Variants in SPTAN1 observed in about 807,000 individuals in gnomAD.
The protein encoded by SPTAN1 is spectrin alpha, non-erythrocytic 1.
A neutral mutation model predicts 331.3 loss-of-function variants in SPTAN1; 61 were observed. The observed-to-expected ratio is 0.18, with a 90% confidence interval of 0.15 to 0.23. The LOEUF is 0.23. SPTAN1 is among the 10% of genes least tolerant of loss of function. SPTAN1 has a pLI of 1.00. For synonymous variants in SPTAN1, 1,153 were observed against 1,173.9 expected (o/e 0.98, Z 0.36); for missense variants, 2,043 against 3,147.9 (o/e 0.65, Z 8.40).
chr9:128,577,593 T>C lies in SPTAN1; in HGVS notation c.1085+87T>C. 6.3e-7 allele frequency: 1 copy of C among 1,577,990 alleles called. No individual in the cohort carries two copies. The highest frequency in any genetic ancestry group is 2.2e-5 in the East Asian group (1 of 44,752). On this transcript the variant is annotated intron_variant, in intron 8 of 56. Transcript: ENST00000372739. This position sits in a 1 kb window ranked among gnomAD's most constrained non-coding sequence, Gnocchi z 4.2. ...AGCAGAGTTAAGGGTCTGTTCTGTGTTCTGTGAAAGTGTCAGGTATCACCT... is the reference window on the plus strand; with the variant it reads ...AGCAGAGTTAAGGGTCTGTTCTGTGCTCTGTGAAAGTGTCAGGTATCACCT...
chr9:128,615,770 G>C lies in SPTAN1; in HGVS notation c.5287G>C (p.Ala1763Pro). Reference protein sequence around the residue: ...KIKSMAASRRAKLNESHRLHQ... With the variant: ...KIKSMAASRRPKLNESHRLHQ... ...CAAGAGCATGGCGGCCTCCCGGCGAGCCAAGCTGAATGAATCCCATCGCCT... is the reference window on the plus strand; with the variant it reads ...CAAGAGCATGGCGGCCTCCCGGCGACCCAAGCTGAATGAATCCCATCGCCT... The change falls in exon 41 of 57, where the codon GCC becomes CCC. Residue 1763 changes from alanine to proline, a missense_variant. Ala to Pro is a conservative substitution (Grantham distance 27). Around this residue, in one of 12 missense-constraint regions of SPTAN1, gnomAD observed 323 missense variants for 581.1 expected, o/e 0.56. Coordinates refer to ENST00000372739, the MANE Select transcript of SPTAN1 (RefSeq NM_001130438.3). The C allele has an allele frequency of 6.2e-7, 1 of 1,614,246 alleles. No individual in the cohort carries two copies. Among genetic ancestry groups the C allele is most frequent in the Non-Finnish European group, 8.5e-7 (1 of 1,180,046 alleles).
chr9:128,627,634 C>A lies in SPTAN1; in HGVS notation c.6689+136C>A. ...CCTGGGAATAAAGCTGGGCTGGCAA[C>A]GCCTGGTCGGGCTCTGGAGCCGGGA... On this transcript the variant is annotated intron_variant, in intron 50 of 56. Coordinates refer to ENST00000372739, the MANE Select transcript of SPTAN1 (RefSeq NM_001130438.3). This position sits in a 1 kb window ranked among gnomAD's most constrained non-coding sequence, Gnocchi z 4.9. 1 of 944,622 alleles carries A rather than the reference C, an allele frequency of 1.1e-6. No homozygotes were observed. The highest frequency in any genetic ancestry group is 1.7e-6 in the Non-Finnish European group (1 of 601,824). The allele number at this position is 944,622 out of a possible 1,614,324, so 58.5% of individuals were successfully genotyped here.
Position 128,585,947 on chromosome 9 carries a change from G to T in SPTAN1, c.2760G>T (p.Lys920Asn). 1 of 1,612,738 alleles carries T rather than the reference G, an allele frequency of 6.2e-7. No individual in the cohort carries two copies. Among genetic ancestry groups the T allele is most frequent in the South Asian group, 1.1e-5 (1 of 91,010 alleles). Residue 920 changes from lysine to asparagine, a missense_variant, in exon 19 of 57, where the codon AAG (lysine) becomes AAT (asparagine). Transcript: ENST00000372739. ...TTGTGGGCAGCACTGACTATGGCAA[G>T]GACGAAGACTCTGCTGAGGTAACCA... Reference protein sequence around the residue: ...EPIVGSTDYGKDEDSAEALLK... With the variant: ...EPIVGSTDYGNDEDSAEALLK...
rs1424750202 is a variant in SPTAN1 at position 128,629,857 on chromosome 9, C to G, written c.6708-464C>G. On this transcript the variant is annotated intron_variant, in intron 51 of 56. Transcript: ENST00000372739. The surrounding 1 kb of genome is among the most constrained non-coding windows in gnomAD (Gnocchi z 4.9). The stretch of plus-strand genomic sequence containing the variant: ...TCTCATTCCCCCTAGAATGGGGCTC[C>G]CTCCCTCAGGAACCTTGCCGGGACA... 1 of 322,586 alleles carries G rather than the reference C, an allele frequency of 3.1e-6. No homozygotes were observed. The highest frequency in any genetic ancestry group is 6.1e-6 in the Non-Finnish European group (1 of 163,286). The allele number at this position is 322,586 out of a possible 1,614,324, so 20.0% of individuals were successfully genotyped here.
At chr9:128,588,310 AT>A (rs386416287) in intron 20 of SPTAN1, among the ~76,000 whole-genome samples, 8 of 114,734 alleles carry the variant, frequency 7.0e-5, no homozygotes, top group African/African-American at 2.8e-4. Context: ...TTAAAATGAG[AT>A]TTTTTTTTTT....
At chr9:128,631,777 G>T in intron 52 of SPTAN1, 1 of 285,820 alleles carries the variant, frequency 3.5e-6, no homozygotes, top group Non-Finnish European at 6.7e-6. Flanking sequence ...GCGTGATTGC[G>T]CCACTGCACT....
intron 21 of SPTAN1, 126 bp downstream of exon 21, chr9:128,589,069 C>T: frequency 1.5e-6 from 2 of 1,351,268 alleles, no homozygotes. Context: ...CATGAGTTTC[C>T]TCACCAATCC....
At chr9:128,590,933 C>A (rs2131307265) in intron 21 of SPTAN1, among the ~76,000 whole-genome samples, 1 of 152,316 alleles carries the variant, frequency 6.6e-6, no homozygotes, top group East Asian at 1.9e-4. Flanking sequence ...TCTGGAGCAT[C>A]TAAGCAGAGA....
chr9:128,567,996 AGGT>A (rs1337711451), intron 2 of SPTAN1, among the ~76,000 whole-genome samples: 1 of 152,088 alleles, frequency 6.6e-6, no homozygotes, highest in East Asian at 1.9e-4. Context: ...TCCTGACCTC[AGGT>A]GATCTGCCTG....
chr9:128,593,104 C>T, intron 23 of SPTAN1, 62 bp downstream of exon 23: 1 of 1,530,940 alleles, frequency 6.5e-7, no homozygotes, highest in South Asian at 1.2e-5. Flanking sequence ...CATTCTCCCT[C>T]TGCCGCTTCT....
chr9:128,613,279 G>A, intron 39 of SPTAN1, 102 bp from the exon 40 acceptor site: 1 of 903,022 alleles, frequency 1.1e-6, no homozygotes, highest in Non-Finnish European at 1.8e-6. Flanking sequence ...GTATTCAACT[G>A]TCCAAGCAAG....
intron 27 of SPTAN1, among the ~76,000 whole-genome samples, chr9:128,602,793 G>T (rs1855348286): frequency 6.6e-6 from 1 of 151,818 alleles, no homozygotes. Flanking sequence ...ACACCACCGT[G>T]CCCAGCTAAT....
intron 11 of SPTAN1, 100 bp downstream of exon 11, chr9:128,581,159 TGTTA>T: frequency 6.7e-7 from 1 of 1,494,348 alleles, no homozygotes; most frequent in South Asian, 1.2e-5. Flanking sequence ...ATCAGTACCA[TGTTA>T]GTTCTGAATC....
chr9:128,581,233 A>T (rs966167459), intron 11 of SPTAN1, among the ~76,000 whole-genome samples, 174 bp downstream of exon 11: 3 of 152,214 alleles, frequency 2.0e-5, no homozygotes, highest in African/African-American at 7.2e-5. Context: ...CTCCCTGCTG[A>T]GATTGCAAGG....
chr9:128,564,066 GA>G lies in SPTAN1; in HGVS notation c.-3-2671del, dbSNP rs1189774989. 3.3e-5 allele frequency among the ~76,000 whole-genome samples: 5 copies of G among 152,172 alleles called. 1 individual carries two copies. In the East Asian group the frequency reaches 7.7e-4, roughly 24 times the overall value. ...AGGTGGGAGGATCATTTGAGCCCAG[GA>G]GTTCAAGACCAGCCTAGGCAACCTA... is the stretch of plus-strand genomic sequence containing the variant. On this transcript the variant is annotated intron_variant, in intron 1 of 56. Coordinates refer to ENST00000372739, the MANE Select transcript of SPTAN1 (RefSeq NM_001130438.3).
chr9:128,628,520 C>A, intron 51 of SPTAN1: 1 of 271,608 alleles, frequency 3.7e-6, no homozygotes, highest in South Asian at 3.8e-5. Context: ...ATAGACAGGA[C>A]GTGGGAGGAG....
At chr9:128,605,217 G>T (rs1394024137) in intron 30 of SPTAN1, 39 bp downstream of exon 30, 4 of 1,614,020 alleles carry the variant, frequency 2.5e-6, no homozygotes, top group African/African-American at 1.3e-5. Flanking sequence ...TGGCATTTTT[G>T]CCCCAGAAAG....
intron 1 of SPTAN1, among the ~76,000 whole-genome samples, chr9:128,556,429 G>A (rs966663349): frequency 1.4e-4 from 21 of 152,154 alleles, no homozygotes; most frequent in African/African-American, 5.1e-4. Flanking sequence ...ACTTAAATGA[G>A]GTTTATAAAA....
intron 18 of SPTAN1, 131 bp downstream of exon 18, chr9:128,584,974 G>GTA: frequency 9.5e-7 from 1 of 1,049,220 alleles, no homozygotes; most frequent in South Asian, 1.3e-5. Flanking sequence ...TTTCCTAACT[G>GTA]TATGACCTGA....
Sources: gnomAD v4.1 joint callset for allele counts (sites outside exome capture counted in the v4.1 genomes callset) on GRCh38, gnomAD v4.1.1 for gene constraint, gnomAD v4.1.1 regional missense constraint, Gnocchi (gnomAD v3.1) non-coding constraint, MANE v1.5 for transcripts, NCBI Gene and HGNC (gene_info 2026-07-23, HGNC 2026-07-21) for gene names.